ZNF224: variants seen among roughly 807,000 people sequenced by gnomAD.
ZNF224 encodes bone marrow zinc finger 2.
In ZNF224, 8 loss-of-function variants were observed where a neutral mutation model predicts 10.5. The observed-to-expected ratio is 0.76, with a 90% CI of 0.45 to 1.37. The LOEUF (loss-of-function observed/expected upper bound fraction) is 1.37. ZNF224 is among the 40% of genes most tolerant of loss of function. The pLI is 0.00. For synonymous variants in ZNF224, 282 were observed against 287.8 expected, an observed-to-expected ratio of 0.98 and a Z score of 0.20; for missense variants, 754 against 854.0, an observed-to-expected ratio of 0.88 and a Z score of 1.46.
intron 2 of ZNF224, chr19:44,097,568 C>T (rs749763668): frequency 5.8e-6 from 2 of 342,866 alleles, no homozygotes; most frequent in Non-Finnish European, 5.3e-6. Context: ...TATGTTGTAG[C>T]ATGAGTCAGT....
chr19:44,101,202 C>T lies in ZNF224; in HGVS notation c.212C>T (p.Ala71Val), dbSNP rs541424307. 15 of 1,614,038 alleles carry T rather than the reference C, an allele frequency of 9.3e-6. No homozygotes were observed. Among genetic ancestry groups the T allele is most frequent in the East Asian group, 8.9e-5 (4 of 44,876 alleles). The change falls in exon 5 of 6, where the codon GCA (alanine) becomes GTA (valine). Residue 71 changes from alanine to valine, a missense_variant. Ala to Val is a moderately conservative substitution (Grantham distance 64). Transcript: ENST00000693561. ...REEKIWMMKTAIQREGNSGDK... is the reference protein window; with the variant it reads ...REEKIWMMKTVIQREGNSGDK... ...GAAAAGATTTGGATGATGAAGACAG[C>T]AATCCAAAGGGAAGGGAATTCAGGT... is the stretch of plus-strand genomic sequence containing the variant.
chr19:44,105,074 G>A (rs944566202), intron 5 of ZNF224, among the ~76,000 whole-genome samples: 12 of 152,134 alleles, frequency 7.9e-5, no homozygotes, highest in Admixed American at 7.9e-4. Flanking sequence ...GTAACCTAAA[G>A]CCTCACCTTA....
chr19:44,096,238 C>G (rs1967433874), intron 1 of ZNF224, 105 bp from the exon 2 acceptor site: 1 of 151,970 alleles, frequency 6.6e-6, no homozygotes, highest in Non-Finnish European at 1.5e-5. Flanking sequence ...TCATTTGAAA[C>G]CTATAGAAAA....
In ZNF224 at chr19:44,100,504, T is replaced by C. The variant is rs75519044; in HGVS notation, c.16-297T>C. 2.4e-4 allele frequency among the ~76,000 whole-genome samples: 36 copies of C among 152,304 alleles called. 1 individual carries two copies. In the East Asian group the frequency reaches 6.7e-3, roughly 29 times the overall value. Reference sequence around the variant, plus strand: ...GATTGTCAAGATTTATCAAAACATATATATGTGTAGCCCAGGATGCCACAT... The same window carrying C: ...GATTGTCAAGATTTATCAAAACATACATATGTGTAGCCCAGGATGCCACAT... On this transcript the variant is annotated intron_variant, in intron 3 of 5. Coordinates refer to ENST00000693561, the MANE Select transcript of ZNF224 (RefSeq NM_001321645.3).
intron 5 of ZNF224, among the ~76,000 whole-genome samples, chr19:44,103,648 A>G (rs1430142168): frequency 6.6e-6 from 1 of 152,022 alleles, no homozygotes; most frequent in Non-Finnish European, 1.5e-5. Flanking sequence ...ATAAGTATAA[A>G]GGAGTATTTA....
In ZNF224 at chr19:44,097,163, G is replaced by A. The variant is rs535845427; in HGVS notation, c.-68-643G>A. ...ATTAGTGGGCATTCAGCTGTAAAAT[G>A]ACCTTCTCCATTTATTCTTTGTTCA... On this transcript the variant is annotated intron_variant, in intron 2 of 5. Transcript: ENST00000693561. 4 of 167,596 alleles carry A rather than the reference G, an allele frequency of 2.4e-5. No homozygotes were observed. The East Asian group carries it at 7.0e-4, about 29-fold the overall frequency. 10.4% of individuals were successfully genotyped at this position (167,596 alleles called of 1,614,324 possible).
intron 5 of ZNF224, 97 bp downstream of exon 5, chr19:44,101,322 C>A: frequency 8.0e-7 from 1 of 1,253,142 alleles, no homozygotes; most frequent in African/African-American, 1.5e-5. Flanking sequence ...ATGGCCAAAC[C>A]TCTTTCTTGG....
chr19:44,109,673 G>A lies in ZNF224; in HGVS notation c.*1389G>A, dbSNP rs962915690. 6 of 152,138 alleles carry A rather than the reference G, an allele frequency of 3.9e-5. No individual in the cohort carries two copies. In the East Asian group the frequency reaches 1.2e-3, roughly 29 times the overall value. The allele number at this position is 152,138 out of a possible 1,614,324, so 9.4% of individuals were successfully genotyped here. A position where few individuals can be genotyped will look rare whatever the true frequency, so the allele number is the denominator to read the frequency against. On this transcript the variant is annotated 3_prime_UTR_variant, in exon 6 of 6. Coordinates refer to ENST00000693561, the MANE Select transcript of ZNF224 (RefSeq NM_001321645.3). ...GCATTTTAAAATGGAAAGAACAAGT[G>A]TTCAAGAACAGGAATTTGTGTGAAT...
At chr19:44,101,396 C>T (rs1967547910) in intron 5 of ZNF224, among the ~76,000 whole-genome samples, 171 bp downstream of exon 5, 1 of 152,208 alleles carries the variant, frequency 6.6e-6, no homozygotes, top group African/African-American at 2.4e-5. Flanking sequence ...GACATCTGTT[C>T]TCATAGCAGC....
rs757507176 is a variant in ZNF224, at chr19:44,106,552, C to T, written c.392C>T (p.Pro131Leu). Residue 131 changes from proline (P) to leucine (L), a missense_variant, in exon 6 of 6, where the codon CCC (proline) becomes CTC (leucine). Coordinates refer to ENST00000693561, the MANE Select transcript of ZNF224 (RefSeq NM_001321645.3). ...CAGTTCTCCAAAGAAGGTGATTTCC[C>T]CTGCCAGACTGAGGCAGGACTATCT... The part of the protein sequence containing the change: ...SSQFSKEGDF[P>L]CQTEAGLSVI... The T allele has an allele frequency of 4.3e-6, 7 of 1,613,990 alleles. No individual in the cohort carries two copies. The highest frequency in any genetic ancestry group is 2.2e-5 in the South Asian group (2 of 91,076).
chr19:44,106,954 G>A lies in ZNF224; in HGVS notation c.794G>A (p.Cys265Tyr). Reference sequence around the variant, plus strand: ...GAGAAACCTTATAATTGTGAGGAATGCGGGAAGGCCTTCATTCACGATTCC... The same window carrying A: ...GAGAAACCTTATAATTGTGAGGAATACGGGAAGGCCTTCATTCACGATTCC... ...TGEKPYNCEE[C>Y]GKAFIHDSQL... The change falls in exon 6 of 6, where the codon TGC becomes TAC. Residue 265 changes from cysteine (C) to tyrosine (Y), a missense_variant. Coordinates refer to ENST00000693561, the MANE Select transcript of ZNF224 (RefSeq NM_001321645.3). 1 of 1,610,744 alleles carries A rather than the reference G, an allele frequency of 6.2e-7. No individual in the cohort carries two copies. The highest frequency in any genetic ancestry group is 1.1e-5 in the South Asian group (1 of 90,670).
Position 44,100,805 on chromosome 19 carries a change from C to G in ZNF224, c.20C>G (p.Ala7Gly). MTTFKE[A>G]MTFKDVAVVF... ...TGCATATGTTTGATGCTATAGGAGG[C>G]AATGACCTTCAAGGACGTGGCTGTG... The change falls in exon 4 of 6, where the codon GCA becomes GGA. Residue 7 changes from alanine to glycine, a missense_variant. Coordinates refer to ENST00000693561, the MANE Select transcript of ZNF224 (RefSeq NM_001321645.3). The G allele has an allele frequency of 1.2e-6, 2 of 1,613,528 alleles. No homozygotes were observed. The highest frequency in any genetic ancestry group is 1.7e-6 in the Non-Finnish European group (2 of 1,179,672).
intron 5 of ZNF224, among the ~76,000 whole-genome samples, chr19:44,102,327 A>G (rs1967565243): frequency 1.3e-5 from 2 of 152,190 alleles, no homozygotes; most frequent in Admixed American, 1.3e-4. Context: ...CAAGTCTCAC[A>G]TACTTCTGTT....
At chr19:44,098,277 G>A (rs573300766) in intron 3 of ZNF224, among the ~76,000 whole-genome samples, 4 of 152,190 alleles carry the variant, frequency 2.6e-5, no homozygotes, top group African/African-American at 9.6e-5. Context: ...TTTAATGGTT[G>A]CACCATATTC....
At chr19:44,103,004 A>G (rs1967580023) in intron 5 of ZNF224, among the ~76,000 whole-genome samples, 1 of 152,192 alleles carries the variant, frequency 6.6e-6, no homozygotes, top group Admixed American at 6.5e-5. Flanking sequence ...ATGCAGCTAA[A>G]CATTGCCTAT....
At chr19:44,100,395 C>T (rs1021476096) in intron 3 of ZNF224, among the ~76,000 whole-genome samples, 6 of 152,146 alleles carry the variant, frequency 3.9e-5, no homozygotes, top group African/African-American at 1.2e-4. Flanking sequence ...AAAACAATAA[C>T]ATCCAGGGTT....
chr19:44,106,623 C>A lies in ZNF224; in HGVS notation c.463C>A (p.Pro155Thr), dbSNP rs769027750. ...ATCTTCCCAGGGCAATGGATATAAACCATCCTTCAGTGATGTCTCCCACTT... is the reference window on the plus strand; with the variant it reads ...ATCTTCCCAGGGCAATGGATATAAAACATCCTTCAGTGATGTCTCCCACTT... ...QKSSQGNGYK[P>T]SFSDVSHFDF... Residue 155 changes from proline to threonine, a missense_variant, in exon 6 of 6, where the codon CCA becomes ACA. By Grantham distance (38) the Pro-to-Thr change is conservative. Transcript: ENST00000693561. The A allele has an allele frequency of 1.2e-6, 2 of 1,600,032 alleles. No individual in the cohort carries two copies. The highest frequency in any genetic ancestry group is 1.7e-6 in the Non-Finnish European group (2 of 1,172,272).
chr19:44,108,830 C>A lies in ZNF224; in HGVS notation c.*546C>A. ...AATTTTGTGTATCCAAAAAGGGAAG[C>A]CTGCAAAAAATAATTCTGGGAAACA... On this transcript the variant is annotated 3_prime_UTR_variant, in exon 6 of 6. Coordinates refer to ENST00000693561, the MANE Select transcript of ZNF224 (RefSeq NM_001321645.3). 1 of 407,520 alleles carries A rather than the reference C, an allele frequency of 2.5e-6. No homozygotes were observed. Among genetic ancestry groups the A allele is most frequent in the Non-Finnish European group, 5.2e-6 (1 of 190,872 alleles). The allele number at this position is 407,520 out of a possible 1,614,324, so 25.2% of individuals were successfully genotyped here. A position where few individuals can be genotyped will look rare whatever the true frequency, so the allele number is the denominator to read the frequency against.
intron 4 of ZNF224, 80 bp from the exon 5 acceptor site, chr19:44,101,053 A>C (rs1967539990): frequency 1.2e-6 from 2 of 1,610,586 alleles, no homozygotes. Context: ...GTGCAGTAAG[A>C]ACCTAAATTT....
Sources: allele counts gnomAD v4.1 joint callset (sites outside exome capture counted in the v4.1 genomes callset), GRCh38; gene constraint gnomAD v4.1.1; transcripts MANE v1.5; gene names NCBI Gene and HGNC (gene_info 2026-07-23, HGNC 2026-07-21).